Variants in NLRC5 observed in about 807,000 individuals in gnomAD.
NLRC5 encodes the protein NLR family CARD domain containing 5, also known as protein NLRC5.
NLRC5 carries 114 observed loss-of-function variants against 206.9 expected under a neutral mutation model. The ratio of observed to expected loss-of-function variants is 0.55; its 90% CI spans 0.47 to 0.64. The LOEUF (loss-of-function observed/expected upper bound fraction) is 0.64, where lower values mean the gene tolerates loss of function less well. Ranked by LOEUF, NLRC5 falls within the 30% of genes least tolerant of loss-of-function variation. NLRC5 has a pLI of 0.00. For synonymous variants in NLRC5, 952 were observed against 962.8 expected (o/e 0.99, Z 0.21); for missense variants, 2,008 against 2,305.5 (o/e 0.87, Z 2.64).
chr16:57,045,780 G>C (rs1426886683), intron 21 of NLRC5, among the ~76,000 whole-genome samples: 1 of 152,254 alleles, frequency 6.6e-6, no homozygotes, highest in Non-Finnish European at 1.5e-5. Context: ...GATTGCTGCT[G>C]TGTGGGAGGA....
At chr16:57,063,875 A>T (rs1231023362) in intron 32 of NLRC5, among the ~76,000 whole-genome samples, 2 of 151,840 alleles carry the variant, frequency 1.3e-5, no homozygotes, top group Non-Finnish European at 2.9e-5. Context: ...AGTAGCTGGG[A>T]CTACAGGTGC....
chr16:57,080,969 T>G, intron 46 of NLRC5, 129 bp from the exon 47 acceptor site: 2 of 717,406 alleles, frequency 2.8e-6, no homozygotes, highest in African/African-American at 3.5e-5. Context: ...ACAAGCACCC[T>G]ATCAGGTGGC....
At position 57,083,032 on chromosome 16, in the gene NLRC5, A is replaced by T. The variant is rs1484048273; in HGVS notation, c.*504A>T. On this transcript the variant is annotated 3_prime_UTR_variant, in exon 49 of 49. Transcript: ENST00000688547. ...ATTTATTAATTTTTAAAGCAAATAC[A>T]TATTTATAGATTGTGTGTATGGAGC... is the stretch of plus-strand genomic sequence containing the variant. 1 of 152,574 alleles carries T rather than the reference A, an allele frequency of 6.6e-6. No homozygotes were observed. Among genetic ancestry groups the T allele is most frequent in the Non-Finnish European group, 1.5e-5 (1 of 68,280 alleles). 9.5% of individuals were successfully genotyped at this position (152,574 alleles called of 1,614,324 possible).
At chr16:57,059,404 C>T (rs1239103918) in intron 29 of NLRC5, 63 bp from the exon 30 acceptor site, 9 of 1,555,862 alleles carry the variant, frequency 5.8e-6, no homozygotes, top group Admixed American at 3.9e-5. Context: ...CTGTGGGTGC[C>T]CTAGGTGCCT....
intron 23 of NLRC5, chr16:57,047,933 A>C: frequency 4.9e-6 from 2 of 411,488 alleles, no homozygotes; most frequent in East Asian, 4.1e-5. Context: ...CTGGAGCCTC[A>C]CCAGGGCACC....
chr16:57,067,935 C>A (rs1028094193), intron 36 of NLRC5, 107 bp downstream of exon 36: 34 of 875,356 alleles, frequency 3.9e-5, no homozygotes, highest in Non-Finnish European at 5.1e-5. Context: ...CTGTGTCTTA[C>A]TCTGTGGACA....
chr16:57,044,358 A>G (rs2063676529), intron 20 of NLRC5, among the ~76,000 whole-genome samples: 1 of 151,626 alleles, frequency 6.6e-6, no homozygotes, highest in African/African-American at 2.4e-5. Flanking sequence ...GCCACTGGGG[A>G]CTCAGGGACC....
intron 1 of NLRC5, among the ~76,000 whole-genome samples, chr16:57,015,036 C>G (rs1237661417): frequency 6.6e-6 from 1 of 151,754 alleles, no homozygotes; most frequent in Non-Finnish European, 1.5e-5. Context: ...TCAAGTGATT[C>G]TCCTGCCTCA....
At chr16:56,998,068 C>G (rs1451976189) in intron 1 of NLRC5, among the ~76,000 whole-genome samples, 1 of 152,110 alleles carries the variant, frequency 6.6e-6, no homozygotes, top group Non-Finnish European at 1.5e-5. Context: ...CCCCTCCAAC[C>G]TTTCTTCTGC....
chr16:57,028,797 C>T (rs768699842), intron 8 of NLRC5, among the ~76,000 whole-genome samples: 32 of 152,204 alleles, frequency 2.1e-4, no homozygotes, highest in African/African-American at 7.2e-4. Context: ...AATATGCACC[C>T]ACACATGCCC....
At chr16:57,037,052 T>C in intron 14 of NLRC5, 143 bp from the exon 15 acceptor site, 2 of 713,258 alleles carry the variant, frequency 2.8e-6, no homozygotes, top group South Asian at 3.0e-5. Flanking sequence ...CGCACCAGAA[T>C]CCTTTGAGAT....
intron 12 of NLRC5, 46 bp downstream of exon 12, chr16:57,033,715 G>C (rs751151242): frequency 6.4e-7 from 1 of 1,570,698 alleles, no homozygotes; most frequent in Non-Finnish European, 8.8e-7. Context: ...TATGATATGG[G>C]GGAAAGTCCG....
intron 13 of NLRC5, chr16:57,035,003 G>T (rs1032816771): frequency 1.3e-5 from 2 of 152,222 alleles, no homozygotes; most frequent in Non-Finnish European, 2.9e-5. Context: ...CCTGGACCTC[G>T]TCCCATTGGG....
intron 11 of NLRC5, among the ~76,000 whole-genome samples, chr16:57,032,994 C>A (rs572514162): frequency 2.0e-5 from 3 of 151,170 alleles, no homozygotes; most frequent in Non-Finnish European, 4.4e-5. Context: ...GGGACCCTGT[C>A]TCTAAAAAAA....
At chr16:56,999,073 G>A (rs560022528) in intron 1 of NLRC5, among the ~76,000 whole-genome samples, 6 of 152,332 alleles carry the variant, frequency 3.9e-5, no homozygotes, top group South Asian at 4.1e-4. Flanking sequence ...TGCCGATGGC[G>A]GACTTTTCAT....
At chr16:57,021,315 G>C (rs1202793763) in intron 3 of NLRC5, among the ~76,000 whole-genome samples, 3 of 151,454 alleles carry the variant, frequency 2.0e-5, no homozygotes, top group African/African-American at 7.3e-5. Context: ...TGGCGGGGGT[G>C]GGGGGGTGTT....
Position 57,030,162 on chromosome 16 carries a change from G to A in NLRC5, c.2417+78G>A, listed in dbSNP as rs2061643369. ...GGAAAGTGGGATGGGAAATGGAGGA[G>A]GCCCCTCGTCTGCAGGATAAATCTG... On this transcript the variant is annotated intron_variant, in intron 10 of 48. Transcript: ENST00000688547. 5 of 1,197,076 alleles carry A rather than the reference G, an allele frequency of 4.2e-6. No homozygotes were observed. The African/African-American group carries it at 4.5e-5, about 11-fold the overall frequency. 74.2% of individuals were successfully genotyped at this position (1,197,076 alleles called of 1,614,324 possible). A position where few individuals can be genotyped will look rare whatever the true frequency, so the allele number is the denominator to read the frequency against.
intron 2 of NLRC5, 35 bp from the exon 3 acceptor site, chr16:57,020,666 C>A (rs920437249): frequency 5.4e-6 from 8 of 1,490,666 alleles, no homozygotes; most frequent in Middle Eastern, 2.2e-4. Flanking sequence ...GTTTACCTGT[C>A]CCCCTCAACT....
chr16:57,005,105 G>A lies in NLRC5; in HGVS notation c.-127-11969G>A, dbSNP rs143500175. On this transcript the variant is annotated intron_variant, in intron 1 of 48. Transcript: ENST00000688547. ...GATTCTTAGAGGTAACACTTCGAAC[G>A]GAAAGCCAGAGGTCCTGGTGCCAAA... Among the ~76,000 whole-genome samples, 32 of 152,252 alleles carry A rather than the reference G, an allele frequency of 2.1e-4. No individual in the cohort carries two copies. In the East Asian group the frequency reaches 3.3e-3, roughly 16 times the overall value.
Sources: gnomAD v4.1 joint callset for allele counts (sites outside exome capture counted in the v4.1 genomes callset) on GRCh38, gnomAD v4.1.1 for gene constraint, MANE v1.5 for transcripts, NCBI Gene and HGNC (gene_info 2026-07-23, HGNC 2026-07-21) for gene names.